AP3B1: variants seen among roughly 807,000 people sequenced by gnomAD.
AP3B1 encodes the protein AP-3 complex subunit beta-1.
In AP3B1, 61 loss-of-function variants were observed where a neutral mutation model predicts 132.5. The ratio of observed to expected loss-of-function variants is 0.46; its 90% confidence interval spans 0.37 to 0.57. The LOEUF is 0.57. AP3B1 is among the 20% of genes least tolerant of loss of function. The pLI is 0.00. For missense variants in AP3B1, 1,120 were observed against 1,289.4 expected (o/e 0.87, Z 2.01); for synonymous variants, 388 against 438.3 (o/e 0.89, Z 1.43).
At chr5:78,225,677 C>T (rs1041334982) in intron 5 of AP3B1, 69 bp from the exon 6 acceptor site, 83 of 988,492 alleles carry the variant, frequency 8.4e-5, no homozygotes, top group Middle Eastern at 4.5e-4. Flanking sequence ...CTCACCAATT[C>T]AAGGATGTTG....
intron 22 of AP3B1, among the ~76,000 whole-genome samples, chr5:78,083,487 C>G (rs1193587233): frequency 6.6e-6 from 1 of 152,082 alleles, no homozygotes; most frequent in African/African-American, 2.4e-5. Context: ...TTCATCCCTG[C>G]AAGAAGCATA....
intron 1 of AP3B1, among the ~76,000 whole-genome samples, chr5:78,287,199 C>T (rs758831009): frequency 4.0e-4 from 61 of 152,226 alleles, no homozygotes; most frequent in Admixed American, 1.1e-3. Flanking sequence ...AATCTCACAT[C>T]TTATGATTTA....
intron 22 of AP3B1, among the ~76,000 whole-genome samples, chr5:78,057,039 T>C (rs111236784): frequency 1.3e-5 from 2 of 152,324 alleles, no homozygotes; most frequent in South Asian, 4.1e-4. Flanking sequence ...TACAGGATAT[T>C]GCCCACCCAC....
chr5:78,065,418 C>T (rs1167621618), intron 22 of AP3B1, among the ~76,000 whole-genome samples: 6 of 152,132 alleles, frequency 3.9e-5, no homozygotes, highest in African/African-American at 1.4e-4. Flanking sequence ...GACCACCGAG[C>T]TCCCGGGCAA....
At position 78,002,367 on chromosome 5, in the gene AP3B1, T is replaced by G; in HGVS notation, c.*535A>C. On this transcript the variant is annotated 3_prime_UTR_variant, in exon 27 of 27. Transcript: ENST00000255194. ...GTTTATTTATCTTATTATTGAGAGA[T>G]AATTTCATGATGACAGTTATCAATA... 1 of 382,284 alleles carries G rather than the reference T, an allele frequency of 2.6e-6. No individual in the cohort carries two copies. Among genetic ancestry groups the G allele is most frequent in the Non-Finnish European group, 4.6e-6 (1 of 216,402 alleles). The allele number at this position is 382,284 out of a possible 1,614,324, so 23.7% of individuals were successfully genotyped here. A position where few individuals can be genotyped will look rare whatever the true frequency, so the allele number is the denominator to read the frequency against.
At chr5:78,235,634 G>A (rs1746844646) in intron 3 of AP3B1, among the ~76,000 whole-genome samples, 1 of 152,200 alleles carries the variant, frequency 6.6e-6, no homozygotes. Context: ...CCAGAAATGG[G>A]AGTAGTTAAA....
At chr5:78,122,383 A>C (rs1256758252) in intron 17 of AP3B1, among the ~76,000 whole-genome samples, 1 of 152,222 alleles carries the variant, frequency 6.6e-6, no homozygotes, top group African/African-American at 2.4e-5. Context: ...AGGGCATTCA[A>C]TTAGGAAAAG....
chr5:78,113,970 GAC>G, intron 18 of AP3B1, 47 bp from the exon 19 acceptor site: 1 of 1,580,124 alleles, frequency 6.3e-7, no homozygotes, highest in Non-Finnish European at 8.6e-7. Context: ...CATTTAATTA[GAC>G]ACACGGACAC....
chr5:78,212,262 C>T (rs539263648), intron 7 of AP3B1, among the ~76,000 whole-genome samples: 1 of 152,226 alleles, frequency 6.6e-6, no homozygotes, highest in East Asian at 1.9e-4. Flanking sequence ...GCCTGGGTGA[C>T]AGAGACAGAC....
chr5:78,243,990 T>C (rs1747260598), intron 2 of AP3B1, among the ~76,000 whole-genome samples: 1 of 152,140 alleles, frequency 6.6e-6, no homozygotes, highest in Non-Finnish European at 1.5e-5. Context: ...GAAGATATGA[T>C]ACCATGGAAA....
chr5:78,059,336 G>A (rs1430289397), intron 22 of AP3B1, among the ~76,000 whole-genome samples: 5 of 152,158 alleles, frequency 3.3e-5, no homozygotes, highest in South Asian at 2.1e-4. Context: ...TCATGCTGAC[G>A]CCTTGAAAAA....
At chr5:78,120,649 T>C (rs1232590190) in intron 17 of AP3B1, among the ~76,000 whole-genome samples, 2 of 152,102 alleles carry the variant, frequency 1.3e-5, no homozygotes, top group Admixed American at 6.5e-5. Flanking sequence ...CTAACTATCC[T>C]AAATATATAT....
At chr5:78,062,242 A>C (rs1416310160) in intron 22 of AP3B1, among the ~76,000 whole-genome samples, 1 of 152,148 alleles carries the variant, frequency 6.6e-6, no homozygotes, top group Non-Finnish European at 1.5e-5. Context: ...CTGAATGTTT[A>C]TTTTAAACTT....
intron 1 of AP3B1, among the ~76,000 whole-genome samples, chr5:78,286,804 T>C (rs1355885549): frequency 2.0e-5 from 3 of 152,214 alleles, no homozygotes; most frequent in African/African-American, 4.8e-5. Context: ...GGCTATAAAC[T>C]GTTCACTTTT....
chr5:78,035,475 T>C (rs1180865004), intron 23 of AP3B1, among the ~76,000 whole-genome samples: 2 of 152,012 alleles, frequency 1.3e-5, no homozygotes, highest in African/African-American at 2.4e-5. Context: ...TTGGTAAGTA[T>C]GATTTGCCAT....
chr5:78,213,530 T>C (rs905639241), intron 7 of AP3B1, among the ~76,000 whole-genome samples: 2 of 152,218 alleles, frequency 1.3e-5, no homozygotes, highest in African/African-American at 4.8e-5. Context: ...CATATGTACG[T>C]ATGTAGACAA....
At chr5:78,235,986 AG>A (rs1423585868) in intron 3 of AP3B1, among the ~76,000 whole-genome samples, 5 of 152,202 alleles carry the variant, frequency 3.3e-5, no homozygotes, top group Non-Finnish European at 7.4e-5. Flanking sequence ...TCTGAACATA[AG>A]TTTTAAGAAA....
intron 11 of AP3B1, among the ~76,000 whole-genome samples, chr5:78,166,155 AC>A (rs1743618910): frequency 6.8e-6 from 1 of 147,946 alleles, no homozygotes; most frequent in Admixed American, 6.7e-5. Context: ...ACACACACAC[AC>A]ACACACACAC....
At chr5:78,182,122 GTGT>G (rs1374763364) in intron 7 of AP3B1, among the ~76,000 whole-genome samples, 1 of 152,168 alleles carries the variant, frequency 6.6e-6, no homozygotes, top group African/African-American at 2.4e-5. Context: ...GAAAAAACTA[GTGT>G]TGTTAAGTAG....
Sources: allele counts gnomAD v4.1 joint callset (sites outside exome capture counted in the v4.1 genomes callset), GRCh38; gene constraint gnomAD v4.1.1; transcripts MANE v1.5; gene names NCBI Gene and HGNC (gene_info 2026-07-23, HGNC 2026-07-21).